SYCP2L: variants seen among roughly 807,000 people sequenced by gnomAD.
SYCP2L encodes synaptonemal complex protein 2-like.
SYCP2L carries 98 observed loss-of-function variants against 125.8 expected under a neutral mutation model. That is an observed-to-expected ratio of 0.78 (90% CI 0.66 to 0.92). The LOEUF is 0.92. Among genes scored for constraint, SYCP2L ranks in the 40% least tolerant of loss-of-function variants. The pLI is 0.00. For synonymous variants in SYCP2L, 317 were observed against 325.4 expected, an observed-to-expected ratio of 0.97 and a Z score of 0.28; for missense variants, 842 against 936.4, an observed-to-expected ratio of 0.90 and a Z score of 1.32.
At chr6:10,957,614 A>G (rs946225437) in intron 25 of SYCP2L, among the ~76,000 whole-genome samples, 12 of 152,100 alleles carry the variant, frequency 7.9e-5, no homozygotes, top group Non-Finnish European at 1.8e-4. Context: ...GGAGTTCAAG[A>G]TCAGCCCGTG....
At chr6:10,905,164 A>AAAAAG (rs1246071934) in intron 8 of SYCP2L, among the ~76,000 whole-genome samples, 3 of 143,152 alleles carry the variant, frequency 2.1e-5, no homozygotes, top group Non-Finnish European at 3.0e-5. Context: ...AAAAAAAAAA[A>AAAAAG]AAGAAGAAGA....
In SYCP2L at chr6:10,887,052, G is replaced by A. The variant is rs1581810914; in HGVS notation, c.-75G>A. Reference sequence around the variant, plus strand: ...CCCCCAGCGGGCGGGGCTCTTGGGCGGGGAAGCAGGAGAGGGCCGACCGAG... The same window carrying A: ...CCCCCAGCGGGCGGGGCTCTTGGGCAGGGAAGCAGGAGAGGGCCGACCGAG... On this transcript the variant is annotated 5_prime_UTR_variant, in exon 1 of 30. Coordinates refer to ENST00000283141, the MANE Select transcript of SYCP2L (RefSeq NM_001040274.3). 3 of 1,604,830 alleles carry A rather than the reference G, an allele frequency of 1.9e-6. No homozygotes were observed. The highest frequency in any genetic ancestry group is 4.5e-5 in the East Asian group (2 of 44,592).
chr6:10,941,778 A>G (rs1450862544), intron 21 of SYCP2L, among the ~76,000 whole-genome samples: 1 of 152,212 alleles, frequency 6.6e-6, no homozygotes, highest in East Asian at 1.9e-4. Flanking sequence ...TAGAAATACC[A>G]TTTGACCCAG....
rs1355277047 is a variant in SYCP2L, at chr6:10,904,431, G to A, written c.641+1468G>A. Among the ~76,000 whole-genome samples, 5 of 152,176 alleles carry A rather than the reference G, an allele frequency of 3.3e-5. No homozygotes were observed. In the South Asian group the frequency reaches 6.2e-4, roughly 19 times the overall value. ...GTAGGGCCTGAAATGGGTGATTTGT[G>A]AGCATGAAACTCACTGCTGTCGTGT... On this transcript the variant is annotated intron_variant, in intron 8 of 29. Transcript: ENST00000283141.
chr6:10,966,066 T>C (rs1164352883), intron 29 of SYCP2L, among the ~76,000 whole-genome samples: 1 of 152,134 alleles, frequency 6.6e-6, no homozygotes, highest in Non-Finnish European at 1.5e-5. Flanking sequence ...TGGGCTGAAG[T>C]CATGCCACTG....
intron 29 of SYCP2L, among the ~76,000 whole-genome samples, chr6:10,971,803 A>T (rs146495690): frequency 0.55 from 83,588 of 151,538 alleles, 24,013 homozygotes; most frequent in East Asian, 0.91. Context: ...CCTGCCTAAG[A>T]GGCTGGGATT....
chr6:10,892,412 G>A (rs1486743410), intron 2 of SYCP2L, among the ~76,000 whole-genome samples: 1 of 152,150 alleles, frequency 6.6e-6, no homozygotes, highest in African/African-American at 2.4e-5. Context: ...TGATCCTCCT[G>A]CCTCAGCCTT....
At position 10,902,980 on chromosome 6, in the gene SYCP2L, A is replaced by AC; in HGVS notation, c.641+17_641+18insC. 6.2e-7 allele frequency: 1 copy of AC among 1,603,772 alleles called. No individual in the cohort carries two copies. The highest frequency in any genetic ancestry group is 8.5e-7 in the Non-Finnish European group (1 of 1,170,664). Reference sequence around the variant, plus strand: ...TCATCTTATGTAAGTGACTTTGTATAAGTTACGTGCTGTAGTAAGGGTAAA... The same window carrying AC: ...TCATCTTATGTAAGTGACTTTGTATACAGTTACGTGCTGTAGTAAGGGTAAA... On this transcript the variant is annotated intron_variant, in intron 8 of 29. Coordinates refer to ENST00000283141, the MANE Select transcript of SYCP2L (RefSeq NM_001040274.3).
Position 10,912,928 on chromosome 6 carries a change from G to T in SYCP2L, c.1072+1G>T. The T allele has an allele frequency of 6.2e-7, 1 of 1,613,148 alleles. No individual in the cohort carries two copies. The highest frequency in any genetic ancestry group is 8.5e-7 in the Non-Finnish European group (1 of 1,179,744). ...GCGGTGATGAATTTCAGCATAACAG[G>T]TAATATGATACATTTAAACAACCCA... On this transcript the variant is annotated splice_donor_variant, in intron 14 of 29. Coordinates refer to ENST00000283141, the MANE Select transcript of SYCP2L (RefSeq NM_001040274.3). LOFTEE classifies it high-confidence loss of function. The surrounding 1 kb of genome is among the most constrained non-coding windows in gnomAD (Gnocchi z 4.1).
At chr6:10,973,482 A>C (rs1278170081) in intron 29 of SYCP2L, among the ~76,000 whole-genome samples, 4 of 152,216 alleles carry the variant, frequency 2.6e-5, no homozygotes, top group Admixed American at 1.3e-4. Flanking sequence ...CAGTAAGCCA[A>C]GATTGTGCCA....
intron 8 of SYCP2L, among the ~76,000 whole-genome samples, chr6:10,903,235 C>T (rs1382696214): frequency 6.6e-6 from 1 of 152,052 alleles, no homozygotes; most frequent in Non-Finnish European, 1.5e-5. Flanking sequence ...GAGATCGAGA[C>T]CATCCTGGCT....
chr6:10,969,212 T>C (rs895745902), intron 29 of SYCP2L, among the ~76,000 whole-genome samples: 9 of 152,104 alleles, frequency 5.9e-5, no homozygotes, highest in African/African-American at 2.2e-4. Context: ...CCTTGAAGAG[T>C]ATAGTAGTTA....
intron 20 of SYCP2L, among the ~76,000 whole-genome samples, 158 bp downstream of exon 20, chr6:10,931,647 A>G (rs764724294): frequency 6.6e-6 from 1 of 152,230 alleles, no homozygotes; most frequent in South Asian, 2.1e-4. Context: ...AATGTTTAAT[A>G]TGACTCTTGG....
chr6:10,888,229 T>A (rs35596454), intron 1 of SYCP2L, among the ~76,000 whole-genome samples: 14,673 of 151,512 alleles, frequency 0.097, 897 homozygotes, highest in Non-Finnish European at 0.14. Context: ...CCCGAGTAGC[T>A]GAGACTACAG....
At chr6:10,967,703 G>A (rs59637707) in intron 29 of SYCP2L, among the ~76,000 whole-genome samples, 1 of 152,086 alleles carries the variant, frequency 6.6e-6, no homozygotes, top group African/African-American at 2.4e-5. Flanking sequence ...AAGACTCTTA[G>A]AAAACTAGGG....
chr6:10,957,286 A>G (rs563539741), intron 25 of SYCP2L, among the ~76,000 whole-genome samples: 1 of 152,186 alleles, frequency 6.6e-6, no homozygotes, highest in East Asian at 1.9e-4. Context: ...GGGGAGGGGT[A>G]TTTGTCTTAG....
intron 11 of SYCP2L, 37 bp downstream of exon 11, chr6:10,910,237 T>A (rs1057318206): frequency 5.7e-6 from 9 of 1,573,236 alleles, no homozygotes; most frequent in Admixed American, 1.7e-5. Flanking sequence ...ACTAGTTGTA[T>A]TCTGAAAATG....
At chr6:10,889,051 C>T (rs1287426750) in intron 1 of SYCP2L, among the ~76,000 whole-genome samples, 1 of 151,912 alleles carries the variant, frequency 6.6e-6, no homozygotes, top group Non-Finnish European at 1.5e-5. Context: ...TTAGTAGAGA[C>T]GGGTTTCACC....
At chr6:10,943,515 T>G (rs948450083) in intron 23 of SYCP2L, among the ~76,000 whole-genome samples, 2 of 151,762 alleles carry the variant, frequency 1.3e-5, no homozygotes, top group Non-Finnish European at 2.9e-5. Context: ...TCGTGCGTTG[T>G]GAGAAATACC....
Sources: gnomAD v4.1 joint callset for allele counts (sites outside exome capture counted in the v4.1 genomes callset) on GRCh38, gnomAD v4.1.1 for gene constraint, Gnocchi (gnomAD v3.1) non-coding constraint, MANE v1.5 for transcripts, NCBI Gene and HGNC (gene_info 2026-07-23, HGNC 2026-07-21) for gene names.